Variants in ADGRV1 observed in about 807,000 individuals in gnomAD.
The protein encoded by ADGRV1 is G-protein coupled receptor 98.
ADGRV1 carries 359 observed loss-of-function variants against 596.2 expected under a neutral mutation model. The observed-to-expected ratio is 0.60, with a 90% CI of 0.55 to 0.66. The LOEUF is 0.66. ADGRV1 is among the 30% of genes least tolerant of loss of function. The pLI is 0.00. For missense variants in ADGRV1, 7,274 were observed against 7,575.6 expected, an observed-to-expected ratio of 0.96 and a Z score of 1.48; for synonymous variants, 2,681 against 2,679.2, an observed-to-expected ratio of 1.00 and a Z score of -0.02.
At chr5:91,120,180 G>C (rs1339024572) in intron 87 of ADGRV1, among the ~76,000 whole-genome samples, 1 of 152,202 alleles carries the variant, frequency 6.6e-6, no homozygotes, top group Non-Finnish European at 1.5e-5. Context: ...AAGTGGGACT[G>C]TGTCTTGTAA....
At chr5:91,075,477 A>G (rs781098089) in intron 86 of ADGRV1, among the ~76,000 whole-genome samples, 1 of 152,176 alleles carries the variant, frequency 6.6e-6, no homozygotes, top group Non-Finnish European at 1.5e-5. Context: ...TCAGAAAAAG[A>G]TAGCCCTCAA....
intron 85 of ADGRV1, 37 bp from the exon 86 acceptor site, chr5:91,072,410 A>G: frequency 1.3e-6 from 2 of 1,574,598 alleles, no homozygotes; most frequent in Non-Finnish European, 1.7e-6. Flanking sequence ...ATTTGCGCTG[A>G]AAGTGTCTGA....
chr5:91,068,221 C>T (rs1043256088), intron 85 of ADGRV1, among the ~76,000 whole-genome samples: 11 of 151,848 alleles, frequency 7.2e-5, no homozygotes, highest in African/African-American at 2.4e-4. Context: ...CTTTGGGAGG[C>T]CAGGGCAGGT....
intron 1 of ADGRV1, among the ~76,000 whole-genome samples, chr5:90,577,111 C>G (rs1250903561): frequency 1.3e-5 from 2 of 152,106 alleles, no homozygotes; most frequent in African/African-American, 4.8e-5. Flanking sequence ...TGCAGAAGCT[C>G]TTTAGTTTAA....
At chr5:90,844,537 G>A (rs1765695602) in intron 78 of ADGRV1, among the ~76,000 whole-genome samples, 2 of 152,154 alleles carry the variant, frequency 1.3e-5, no homozygotes, top group East Asian at 3.8e-4. Flanking sequence ...CCCAGGCATA[G>A]TGAAATAAAA....
intron 85 of ADGRV1, among the ~76,000 whole-genome samples, chr5:91,045,657 C>T (rs1304440930): frequency 6.6e-6 from 1 of 152,064 alleles, no homozygotes; most frequent in Non-Finnish European, 1.5e-5. Context: ...CAACTTAGTA[C>T]TGGAAGTCCT....
intron 65 of ADGRV1, 139 bp downstream of exon 65, chr5:90,781,717 T>C (rs922707401): frequency 2.2e-5 from 16 of 736,344 alleles, no homozygotes; most frequent in Admixed American, 1.7e-4. Flanking sequence ...TTTATATTTA[T>C]TTACTTATTT....
chr5:90,785,039 C>A (rs1334933317), intron 67 of ADGRV1, among the ~76,000 whole-genome samples: 1 of 152,068 alleles, frequency 6.6e-6, no homozygotes, highest in Non-Finnish European at 1.5e-5. Context: ...GCTACAGTAA[C>A]CAAAACAGCG....
At chr5:90,914,591 A>G (rs1773181404) in intron 83 of ADGRV1, among the ~76,000 whole-genome samples, 1 of 152,178 alleles carries the variant, frequency 6.6e-6, no homozygotes, top group Admixed American at 6.5e-5. Flanking sequence ...ATGTAAGTCA[A>G]AGTTTTGTAA....
At chr5:90,709,710 T>A (rs930020869) in intron 39 of ADGRV1, among the ~76,000 whole-genome samples, 1 of 152,238 alleles carries the variant, frequency 6.6e-6, no homozygotes, top group Non-Finnish European at 1.5e-5. Context: ...ACCTATTGTT[T>A]GAATAAATTC....
At chr5:90,856,949 AGTC>A (rs1334662178) in intron 82 of ADGRV1, among the ~76,000 whole-genome samples, 1 of 152,164 alleles carries the variant, frequency 6.6e-6, no homozygotes, top group Non-Finnish European at 1.5e-5. Context: ...TCTCTCTAAT[AGTC>A]ATTATCTTTT....
chr5:90,854,529 T>G (rs1222153451), intron 81 of ADGRV1, among the ~76,000 whole-genome samples: 1 of 152,218 alleles, frequency 6.6e-6, no homozygotes, highest in Non-Finnish European at 1.5e-5. Context: ...ATTCCTTCTT[T>G]TACCCTTTCC....
At chr5:90,714,462 T>A (rs1270984004) in intron 42 of ADGRV1, among the ~76,000 whole-genome samples, 3 of 152,032 alleles carry the variant, frequency 2.0e-5, no homozygotes, top group South Asian at 2.1e-4. Flanking sequence ...TATAAAAATT[T>A]TTTTAAATTT....
At chr5:90,890,991 G>A (rs1354584614) in intron 83 of ADGRV1, among the ~76,000 whole-genome samples, 4 of 151,856 alleles carry the variant, frequency 2.6e-5, no homozygotes, top group Non-Finnish European at 4.4e-5. Context: ...CAGTGGATAT[G>A]AGCATATGAA....
chr5:90,948,170 T>C (rs1017228549), intron 83 of ADGRV1, among the ~76,000 whole-genome samples: 2 of 152,148 alleles, frequency 1.3e-5, no homozygotes, highest in Non-Finnish European at 2.9e-5. Context: ...TCCCTGACAT[T>C]ATTCTGTTAG....
intron 85 of ADGRV1, among the ~76,000 whole-genome samples, chr5:91,037,854 G>A (rs1785034988): frequency 6.6e-6 from 1 of 152,106 alleles, no homozygotes; most frequent in South Asian, 2.1e-4. Flanking sequence ...CCACCAACAT[G>A]ACATCACAAG....
chr5:90,690,049 G>A lies in ADGRV1; in HGVS notation c.6679G>A (p.Ala2227Thr), dbSNP rs1469555646. The A allele has an allele frequency of 2.5e-6, 4 of 1,579,530 alleles. No homozygotes were observed. Among genetic ancestry groups the A allele is most frequent in the Non-Finnish European group, 3.4e-6 (4 of 1,159,932 alleles). Reference sequence around the variant, plus strand: ...AACAGAGGCAGTCATTATTATTGAGGCCTCTGATGACCCCTATGGATTATT... The same window carrying A: ...AACAGAGGCAGTCATTATTATTGAGACCTCTGATGACCCCTATGGATTATT... The part of the protein sequence containing the change: ...ALTEAVIIIE[A>T]SDDPYGLFGF... Residue 2227 changes from alanine (A) to threonine (T), a missense_variant, in exon 30 of 90, where the codon GCC becomes ACC. This residue lies in a region of ADGRV1 where 3,643 missense variants were observed against 3,809.2 expected (regional missense o/e 0.96). Transcript: ENST00000405460.
intron 85 of ADGRV1, chr5:91,031,392 G>T: frequency 1.9e-6 from 2 of 1,054,040 alleles, no homozygotes; most frequent in Non-Finnish European, 2.9e-6. Flanking sequence ...CATGCTCTGT[G>T]CCATGGTCCC....
intron 86 of ADGRV1, among the ~76,000 whole-genome samples, chr5:91,075,108 CAA>C (rs1788735303): frequency 6.6e-6 from 1 of 151,988 alleles, no homozygotes; most frequent in African/African-American, 2.4e-5. Flanking sequence ...GCATAGTTTG[CAA>C]AAATTTTCTC....
Sources: allele counts gnomAD v4.1 joint callset (sites outside exome capture counted in the v4.1 genomes callset), GRCh38; gene constraint gnomAD v4.1.1; regional missense constraint gnomAD v4.1.1; transcripts MANE v1.5; gene names NCBI Gene and HGNC (gene_info 2026-07-23, HGNC 2026-07-21).